The following BBOX1 variants were observed in gnomAD, a reference collection of about 807,000 sequenced individuals.
BBOX1 encodes the protein gamma-butyrobetaine dioxygenase.
In BBOX1, 35 loss-of-function variants were observed where a neutral mutation model predicts 41.6. The ratio of observed to expected loss-of-function variants is 0.84; its 90% CI spans 0.64 to 1.11. The LOEUF (loss-of-function observed/expected upper bound fraction) is 1.11, where lower values mean the gene tolerates loss of function less well. BBOX1 is among the 50% of genes most tolerant of loss of function. The pLI, the probability that BBOX1 is intolerant of heterozygous loss-of-function variation, is 0.00. For synonymous variants in BBOX1, 163 were observed against 154.7 expected (o/e 1.05, Z -0.40); for missense variants, 458 against 460.6 (o/e 0.99, Z 0.05).
At chr11:27,044,626 G>T (rs1336529178) in intron 2 of BBOX1, among the ~76,000 whole-genome samples, 1 of 152,006 alleles carries the variant, frequency 6.6e-6, no homozygotes, top group Non-Finnish European at 1.5e-5. Flanking sequence ...TGTAAGGAAT[G>T]GATCCAGTTT....
At chr11:27,062,931 A>C (rs2133975822) in intron 4 of BBOX1, 1 of 152,100 alleles carries the variant, frequency 6.6e-6, no homozygotes, top group African/African-American at 2.4e-5. Context: ...GCTTATATTT[A>C]CCCCACAAAA....
intron 2 of BBOX1, chr11:27,047,456 C>T (rs1851520679): frequency 6.6e-6 from 1 of 152,148 alleles, no homozygotes; most frequent in Admixed American, 6.5e-5. Context: ...CATCTTTAAG[C>T]AGAGGAACCA....
intron 4 of BBOX1, among the ~76,000 whole-genome samples, chr11:27,082,415 G>A (rs1218821324): frequency 1.3e-5 from 2 of 152,134 alleles, no homozygotes; most frequent in Non-Finnish European, 2.9e-5. Flanking sequence ...GGATGTCATA[G>A]AGGAGAGTCA....
intron 5 of BBOX1, among the ~76,000 whole-genome samples, chr11:27,106,428 G>T (rs556937742): frequency 1.8e-3 from 272 of 152,144 alleles, no homozygotes; most frequent in African/African-American, 6.1e-3. Context: ...AAAAAAGGTA[G>T]GGGTTGCAAT....
chr11:27,090,588 A>G (rs1363317724), intron 4 of BBOX1, among the ~76,000 whole-genome samples: 1 of 151,968 alleles, frequency 6.6e-6, no homozygotes, highest in African/African-American at 2.4e-5. Flanking sequence ...AACTACTGAT[A>G]AGGGTCTATT....
chr11:27,057,063 T>TAAAAAAAAAAAAAAAAAAAAAAA lies in BBOX1; in HGVS notation c.220-138_220-137insAAAAAAAAAAAAAAAAAAAAAAA, dbSNP rs1459422645. 1.8e-3 allele frequency: 274 copies of TAAAAAAAAAAAAAAAAAAAAAAA among 149,746 alleles called. 104 individuals are homozygous for TAAAAAAAAAAAAAAAAAAAAAAA. The highest frequency in any genetic ancestry group is 4.1e-3 in the East Asian group (26 of 6,362). The allele number at this position is 149,746 out of a possible 1,614,324, so 9.3% of individuals were successfully genotyped here. A position where few individuals can be genotyped will look rare whatever the true frequency, so the allele number is the denominator to read the frequency against. ...CCTGGCAACAGAGGAAGACTCCGAC[T>TAAAAAAAAAAAAAAAAAAAAAAA]TAAAAAAAAAAAAAAAAAAAAATTA... On this transcript the variant is annotated intron_variant, in intron 3 of 8. Coordinates refer to ENST00000263182, the MANE Select transcript of BBOX1 (RefSeq NM_003986.3).
chr11:27,068,711 C>T (rs1857360358), intron 4 of BBOX1, among the ~76,000 whole-genome samples: 1 of 151,966 alleles, frequency 6.6e-6, no homozygotes, highest in Non-Finnish European at 1.5e-5. Context: ...TTCAGATCTT[C>T]AATTTAAGTC....
intron 5 of BBOX1, among the ~76,000 whole-genome samples, chr11:27,105,549 A>G (rs1229159042): frequency 6.6e-6 from 1 of 152,194 alleles, no homozygotes; most frequent in African/African-American, 2.4e-5. Flanking sequence ...GAGAAAAAAG[A>G]GTAAAAAGAA....
chr11:27,105,924 G>A (rs1405036067), intron 5 of BBOX1, among the ~76,000 whole-genome samples: 2 of 152,116 alleles, frequency 1.3e-5, no homozygotes, highest in Non-Finnish European at 2.9e-5. Flanking sequence ...AGAAGAGAGT[G>A]GGGGCAAATA....
chr11:27,074,315 A>G (rs1192781354), intron 4 of BBOX1, among the ~76,000 whole-genome samples: 1 of 151,992 alleles, frequency 6.6e-6, no homozygotes, highest in Non-Finnish European at 1.5e-5. Context: ...GGGGTGGGGC[A>G]CTGTTATAAA....
In BBOX1 at chr11:27,119,615, T is replaced by C. The variant is rs201067697; in HGVS notation, c.640-34T>C. 2,617 of 1,150,378 alleles carry C rather than the reference T, an allele frequency of 2.3e-3. 1 individual carries two copies. Among genetic ancestry groups the C allele is most frequent in the Non-Finnish European group, 2.8e-3 (2,497 of 880,406 alleles). 71.3% of individuals were successfully genotyped at this position (1,150,378 alleles called of 1,614,324 possible). Reference sequence around the variant, plus strand: ...TTCTAATAATTAAAATGTAATTTAATATTTATTTAATAATGCATATTTTCT... The same window carrying C: ...TTCTAATAATTAAAATGTAATTTAACATTTATTTAATAATGCATATTTTCT... On this transcript the variant is annotated intron_variant, in intron 6 of 8. Transcript: ENST00000263182.
At chr11:27,094,444 A>G (rs1208373270) in intron 5 of BBOX1, among the ~76,000 whole-genome samples, 5 of 151,974 alleles carry the variant, frequency 3.3e-5, no homozygotes, top group African/African-American at 1.2e-4. Context: ...AGAAAATGGA[A>G]TTAGTCGTTA....
At chr11:27,051,814 T>G (rs919301299) in intron 2 of BBOX1, among the ~76,000 whole-genome samples, 7 of 152,022 alleles carry the variant, frequency 4.6e-5, no homozygotes, top group African/African-American at 1.7e-4. Flanking sequence ...TATTATTTCC[T>G]TCCTTCTGAT....
At chr11:27,115,797 T>C (rs562590627) in intron 6 of BBOX1, among the ~76,000 whole-genome samples, 1 of 151,946 alleles carries the variant, frequency 6.6e-6, no homozygotes, top group Non-Finnish European at 1.5e-5. Flanking sequence ...CATTTCTTTG[T>C]TCTTCCTAGA....
chr11:27,090,229 A>T (rs537642539), intron 4 of BBOX1, among the ~76,000 whole-genome samples: 134 of 152,082 alleles, frequency 8.8e-4, no homozygotes, highest in African/African-American at 3.1e-3. Flanking sequence ...CCAATATTTC[A>T]ACGTAGGTTC....
At chr11:27,088,268 A>G (rs934619000) in intron 4 of BBOX1, among the ~76,000 whole-genome samples, 5 of 152,070 alleles carry the variant, frequency 3.3e-5, no homozygotes, top group African/African-American at 7.2e-5. Flanking sequence ...TGATTTTTCA[A>G]TCACTGTGTA....
chr11:27,108,324 A>G (rs556965984), intron 5 of BBOX1, among the ~76,000 whole-genome samples: 28 of 152,260 alleles, frequency 1.8e-4, no homozygotes, highest in Admixed American at 1.2e-3. Flanking sequence ...AGGAAAAAGA[A>G]TGTAGGTGAA....
intron 5 of BBOX1, among the ~76,000 whole-genome samples, chr11:27,101,082 C>T (rs918139575): frequency 6.6e-6 from 1 of 152,100 alleles, no homozygotes; most frequent in Non-Finnish European, 1.5e-5. Flanking sequence ...AGGCTACAAA[C>T]CCAGGTTTGC....
rs145426335 is a variant in BBOX1 at position 27,105,573 on chromosome 11, C to A, written c.534-9879C>A. 3.3e-4 allele frequency among the ~76,000 whole-genome samples: 51 copies of A among 152,248 alleles called. 1 individual carries two copies. The highest frequency in any genetic ancestry group is 1.1e-3 in the African/African-American group (47 of 41,572). ...GAGTAAAAAGAAACTATCAAAGCCT[C>A]CAAGAAGTATGGGACTATGTGAAAA... On this transcript the variant is annotated intron_variant, in intron 5 of 8. Coordinates refer to ENST00000263182, the MANE Select transcript of BBOX1 (RefSeq NM_003986.3).
Sources: gnomAD v4.1 joint callset for allele counts (sites outside exome capture counted in the v4.1 genomes callset) on GRCh38, gnomAD v4.1.1 for gene constraint, MANE v1.5 for transcripts, NCBI Gene and HGNC (gene_info 2026-07-23, HGNC 2026-07-21) for gene names.